The following CSMD1 variants were observed in gnomAD, a reference collection of about 807,000 sequenced individuals.
CSMD1 encodes CUB and Sushi multiple domains 1, also known as CUB and sushi domain-containing protein 1.
A neutral mutation model predicts 417.5 loss-of-function variants in CSMD1; 213 were observed. The observed-to-expected ratio is 0.51, with a 90% CI of 0.46 to 0.57. The LOEUF (loss-of-function observed/expected upper bound fraction) is 0.57, where lower values mean the gene tolerates loss of function less well. Among genes scored for constraint, CSMD1 ranks in the 20% least tolerant of loss-of-function variants. The pLI, the probability that CSMD1 is intolerant of heterozygous loss-of-function variation, is 0.00. For synonymous variants in CSMD1, 2,862 were observed against 1,736.8 expected (o/e 1.65, Z -16.11); for missense variants, 6,923 against 4,529.7 (o/e 1.53, Z -15.17).
At chr8:4,955,716 A>G (rs1204495594) in intron 1 of CSMD1, among the ~76,000 whole-genome samples, 1 of 152,090 alleles carries the variant, frequency 6.6e-6, no homozygotes. Context: ...TCGGCCTCCT[A>G]AAGTGCTGGG....
intron 22 of CSMD1, 71 bp downstream of exon 22, chr8:3,347,921 A>C: frequency 9.3e-7 from 1 of 1,077,398 alleles, no homozygotes. Flanking sequence ...CTATATGTAG[A>C]AAAATAGATA....
At chr8:3,969,905 C>G (rs1157866200) in intron 5 of CSMD1, among the ~76,000 whole-genome samples, 1 of 151,520 alleles carries the variant, frequency 6.6e-6, no homozygotes, top group Non-Finnish European at 1.5e-5. Context: ...TTTGCAAAAA[C>G]AAACAAACCA....
intron 1 of CSMD1, among the ~76,000 whole-genome samples, chr8:4,794,554 C>T (rs563126388): frequency 6.6e-6 from 1 of 152,284 alleles, no homozygotes; most frequent in Admixed American, 6.5e-5. Context: ...CCCACGTCCA[C>T]CTATGTGCTG....
chr8:3,596,673 T>C (rs746099921), intron 8 of CSMD1, among the ~76,000 whole-genome samples: 9 of 152,146 alleles, frequency 5.9e-5, no homozygotes, highest in East Asian at 1.9e-4. Flanking sequence ...TTGTTTGTAA[T>C]TGACCAGCAA....
chr8:3,453,443 G>T (rs1009771002), intron 12 of CSMD1, among the ~76,000 whole-genome samples: 4 of 152,036 alleles, frequency 2.6e-5, no homozygotes, highest in African/African-American at 9.7e-5. Flanking sequence ...TCTCTTGTGG[G>T]CATTTAGTGC....
intron 7 of CSMD1, among the ~76,000 whole-genome samples, chr8:3,619,409 A>G (rs543285920): frequency 1.6e-4 from 24 of 152,160 alleles, no homozygotes; most frequent in African/African-American, 5.8e-4. Flanking sequence ...CACAAGGCAT[A>G]CAAAGAAAGA....
chr8:3,189,887 G>C lies in CSMD1; in HGVS notation c.5398+25C>G, dbSNP rs528407977. ...TGGCACCACCACAGAGTTCTGGCGG[G>C]CAGCCGCTTAGGGACACTGCTCACC... On this transcript the variant is annotated intron_variant, in intron 34 of 69. Transcript: ENST00000635120. 6.5e-6 allele frequency: 10 copies of C among 1,546,722 alleles called. No homozygotes were observed. The East Asian group carries it at 2.4e-4, about 37-fold the overall frequency.
intron 49 of CSMD1, among the ~76,000 whole-genome samples, chr8:3,068,223 T>G (rs945541448): frequency 2.0e-5 from 3 of 152,180 alleles, no homozygotes; most frequent in Non-Finnish European, 4.4e-5. Context: ...TGTGAAAACT[T>G]TCTTCATAGA....
intron 5 of CSMD1, among the ~76,000 whole-genome samples, chr8:3,841,964 A>G (rs1209156691): frequency 1.3e-5 from 2 of 152,190 alleles, no homozygotes; most frequent in Non-Finnish European, 2.9e-5. Context: ...TACTGCTTCC[A>G]AAAGCAGTTT....
At chr8:4,277,538 T>C (rs1013306556) in intron 3 of CSMD1, among the ~76,000 whole-genome samples, 1 of 152,166 alleles carries the variant, frequency 6.6e-6, no homozygotes, top group Non-Finnish European at 1.5e-5. Context: ...CTAGAGAGTT[T>C]TCTTGAAATT....
chr8:4,783,804 A>C (rs1797273322), intron 1 of CSMD1, among the ~76,000 whole-genome samples: 1 of 152,200 alleles, frequency 6.6e-6, no homozygotes, highest in South Asian at 2.1e-4. Flanking sequence ...GCTTTGACAC[A>C]AGGCATCAAC....
chr8:3,635,492 T>TTC (rs1269446565), intron 7 of CSMD1, among the ~76,000 whole-genome samples: 1 of 149,830 alleles, frequency 6.7e-6, no homozygotes, highest in African/African-American at 2.4e-5. Context: ...TCTTTTTTTT[T>TTC]TTTTTTTTTG....
At chr8:3,229,155 AAC>A (rs1483067880) in intron 27 of CSMD1, among the ~76,000 whole-genome samples, 1 of 152,136 alleles carries the variant, frequency 6.6e-6, no homozygotes, top group Non-Finnish European at 1.5e-5. Flanking sequence ...AACCAGTTCA[AAC>A]CACAAACCCC....
chr8:4,184,856 C>T (rs995695198), intron 3 of CSMD1, among the ~76,000 whole-genome samples: 4 of 151,912 alleles, frequency 2.6e-5, no homozygotes, highest in Non-Finnish European at 4.4e-5. Flanking sequence ...CCAACACTTT[C>T]GGAGGCCAAG....
At chr8:4,203,857 T>C (rs1480689527) in intron 3 of CSMD1, among the ~76,000 whole-genome samples, 1 of 152,148 alleles carries the variant, frequency 6.6e-6, no homozygotes, top group African/African-American at 2.4e-5. Flanking sequence ...CCCAGCACTT[T>C]TGGAAGGCTG....
chr8:4,478,518 C>T (rs1369900736), intron 2 of CSMD1, among the ~76,000 whole-genome samples: 2 of 152,056 alleles, frequency 1.3e-5, no homozygotes, highest in Non-Finnish European at 2.9e-5. Flanking sequence ...ATGTATAAAT[C>T]AAAGAAAATT....
intron 6 of CSMD1, among the ~76,000 whole-genome samples, chr8:3,712,644 A>G (rs1034163481): frequency 1.5e-4 from 23 of 152,210 alleles, no homozygotes; most frequent in Admixed American, 5.2e-4. Context: ...CTAAGTCACA[A>G]TCTTCGGAGG....
chr8:4,348,688 C>A (rs1486666611), intron 3 of CSMD1, among the ~76,000 whole-genome samples: 1 of 151,370 alleles, frequency 6.6e-6, no homozygotes, highest in African/African-American at 2.4e-5. Flanking sequence ...GCGTACATAT[C>A]CGCTTAAGTG....
chr8:4,696,781 T>A (rs1411316520), intron 1 of CSMD1, among the ~76,000 whole-genome samples: 1 of 152,224 alleles, frequency 6.6e-6, no homozygotes, highest in Non-Finnish European at 1.5e-5. Context: ...AAGGACTGCA[T>A]CAGTGAATGT....
Sources: allele counts gnomAD v4.1 joint callset (sites outside exome capture counted in the v4.1 genomes callset), GRCh38; gene constraint gnomAD v4.1.1; transcripts MANE v1.5; gene names NCBI Gene and HGNC (gene_info 2026-07-23, HGNC 2026-07-21).